The following ERBIN variants were observed in gnomAD, a reference collection of about 807,000 sequenced individuals.
ERBIN encodes the protein erbb2 interacting protein.
ERBIN carries 60 observed loss-of-function variants against 158.4 expected under a neutral mutation model. That is an observed-to-expected ratio of 0.38 (90% CI 0.31 to 0.47). ERBIN has a LOEUF of 0.47. Ranked by LOEUF, ERBIN falls within the 20% of genes least tolerant of loss-of-function variation. ERBIN has a pLI of 0.99. For missense variants in ERBIN, 1,610 were observed against 1,648.0 expected, an observed-to-expected ratio of 0.98 and a Z score of 0.40; for synonymous variants, 594 against 557.2, an observed-to-expected ratio of 1.07 and a Z score of -0.93.
chr5:65,957,894 C>A (rs1747403524), intron 1 of ERBIN, among the ~76,000 whole-genome samples: 1 of 151,878 alleles, frequency 6.6e-6, no homozygotes, highest in Non-Finnish European at 1.5e-5. Context: ...CTCCTCACTT[C>A]TCAGCCGGGG....
chr5:66,068,468 C>T (rs1265437030), intron 21 of ERBIN, among the ~76,000 whole-genome samples: 2 of 151,992 alleles, frequency 1.3e-5, no homozygotes, highest in East Asian at 3.8e-4. Context: ...CTTAGAATTA[C>T]TGGGTGTTGG....
intron 1 of ERBIN, among the ~76,000 whole-genome samples, chr5:65,931,819 CTTT>C (rs36048820): frequency 1.5e-5 from 2 of 131,906 alleles, no homozygotes. Context: ...TCTTTTCTTT[CTTT>C]TTTTTTTTTT....
intron 1 of ERBIN, among the ~76,000 whole-genome samples, chr5:65,938,521 TCCCACTCCGTTG>T (rs1744367090): frequency 6.6e-6 from 1 of 151,898 alleles, no homozygotes; most frequent in Non-Finnish European, 1.5e-5. Context: ...AGAGATGTGG[TCCCACTCCGTTG>T]CCCAGGCTAG....
intron 7 of ERBIN, among the ~76,000 whole-genome samples, chr5:66,015,111 G>C (rs1347873556): frequency 6.6e-6 from 1 of 152,154 alleles, no homozygotes; most frequent in Non-Finnish European, 1.5e-5. Flanking sequence ...GGTAACGGTA[G>C]AACTTGATTG....
At chr5:65,933,585 A>G (rs928514095) in intron 1 of ERBIN, among the ~76,000 whole-genome samples, 2 of 152,146 alleles carry the variant, frequency 1.3e-5, no homozygotes, top group African/African-American at 4.8e-5. Flanking sequence ...CGCTCAGGAT[A>G]TGCTTCTCTT....
intron 25 of ERBIN, among the ~76,000 whole-genome samples, chr5:66,077,797 C>T (rs984250038): frequency 1.5e-4 from 21 of 135,870 alleles, no homozygotes; most frequent in African/African-American, 3.0e-4. Flanking sequence ...CACACACATA[C>T]ACACACACAC....
At chr5:65,952,248 A>G (rs569286214) in intron 1 of ERBIN, among the ~76,000 whole-genome samples, 99 of 152,270 alleles carry the variant, frequency 6.5e-4, no homozygotes, top group Non-Finnish European at 1.1e-3. Context: ...TTGAAGCAGT[A>G]TATTCTATTA....
intron 4 of ERBIN, among the ~76,000 whole-genome samples, chr5:66,004,444 G>C (rs1400621232): frequency 6.6e-6 from 1 of 152,170 alleles, no homozygotes; most frequent in Non-Finnish European, 1.5e-5. Context: ...CGTCACCCAG[G>C]CTGCAGTACA....
intron 7 of ERBIN, among the ~76,000 whole-genome samples, chr5:66,019,876 G>A (rs1477815612): frequency 6.6e-6 from 1 of 152,008 alleles, no homozygotes; most frequent in East Asian, 1.9e-4. Context: ...GTAAGATTAT[G>A]TTTTGTTCTT....
At chr5:65,976,675 GT>G (rs1462884285) in intron 1 of ERBIN, among the ~76,000 whole-genome samples, 1 of 151,520 alleles carries the variant, frequency 6.6e-6, no homozygotes, top group Non-Finnish European at 1.5e-5. Flanking sequence ...CTTCCGCAGT[GT>G]TTGTGTCCCT....
chr5:66,070,613 T>C (rs182742283), intron 21 of ERBIN, among the ~76,000 whole-genome samples: 1 of 152,344 alleles, frequency 6.6e-6, no homozygotes, highest in African/African-American at 2.4e-5. Context: ...AACATAGTTA[T>C]ACATTCACAC....
intron 1 of ERBIN, among the ~76,000 whole-genome samples, chr5:65,934,129 G>GCC: frequency 6.6e-6 from 1 of 152,096 alleles, no homozygotes; most frequent in Non-Finnish European, 1.5e-5. Flanking sequence ...ATCTCCTGAT[G>GCC]TCATGATTTG....
In ERBIN at chr5:66,082,533, A is replaced by AT. The variant is rs1446092400; in HGVS notation, c.*4008dup. ...CCCCTCAAGGGATTCAATAAAGCTT[A>AT]TTTTTCATGAAAACAAGCCTATAAA... On this transcript the variant is annotated 3_prime_UTR_variant, in exon 26 of 26. Coordinates refer to ENST00000284037, the MANE Select transcript of ERBIN (RefSeq NM_001253697.2). 1 of 152,172 alleles carries AT rather than the reference A, an allele frequency of 6.6e-6. No individual in the cohort carries two copies. Among genetic ancestry groups the AT allele is most frequent in the Non-Finnish European group, 1.5e-5 (1 of 68,012 alleles). 9.4% of individuals were successfully genotyped at this position (152,172 alleles called of 1,614,324 possible).
At chr5:66,032,198 T>C (rs1756959914) in intron 14 of ERBIN, among the ~76,000 whole-genome samples, 1 of 152,104 alleles carries the variant, frequency 6.6e-6, no homozygotes, top group Admixed American at 6.5e-5. Context: ...GATCAGTTGG[T>C]GGAGGATCTT....
At chr5:66,039,025 CGTGTGT>C (rs149165726) in intron 15 of ERBIN, among the ~76,000 whole-genome samples, 11 of 148,708 alleles carry the variant, frequency 7.4e-5, no homozygotes, top group African/African-American at 2.5e-4. Context: ...GTACTCTCTG[CGTGTGT>C]GTGTGTGTGT....
chr5:66,074,045 A>ATTTT lies in ERBIN; in HGVS notation c.3757-955_3757-952dup, dbSNP rs397884229. Among the ~76,000 whole-genome samples the ATTTT allele has an allele frequency of 9.9e-4, 91 of 91,934 alleles. 1 individual carries two copies. Among genetic ancestry groups the ATTTT allele is most frequent in the Non-Finnish European group, 1.6e-3 (78 of 48,290 alleles). The allele number at this position is 91,934 out of a possible 152,430, so 60.3% of individuals were successfully genotyped here. A position where few individuals can be genotyped will look rare whatever the true frequency, so the allele number is the denominator to read the frequency against. ...AGGTGTGCACCACCATGCCCAGCTA[A>ATTTT]TTTTTTTTTTTTTTTTTTTTTTTTT... On this transcript the variant is annotated intron_variant, in intron 22 of 25. Coordinates refer to ENST00000284037, the MANE Select transcript of ERBIN (RefSeq NM_001253697.2).
At chr5:66,013,756 C>A in intron 6 of ERBIN, 118 bp downstream of exon 6, 1 of 607,388 alleles carries the variant, frequency 1.6e-6, no homozygotes, top group South Asian at 2.3e-5. Flanking sequence ...TAAATTATTC[C>A]CAAGCATTGT....
chr5:66,059,846 A>T (rs1408692412), intron 21 of ERBIN, among the ~76,000 whole-genome samples: 1 of 152,018 alleles, frequency 6.6e-6, no homozygotes, highest in East Asian at 1.9e-4. Flanking sequence ...ACGTTTATTG[A>T]TTTTCATATG....
At chr5:66,042,900 A>G (rs1308879426) in intron 15 of ERBIN, among the ~76,000 whole-genome samples, 177 bp from the exon 16 acceptor site, 1 of 152,192 alleles carries the variant, frequency 6.6e-6, no homozygotes. Flanking sequence ...GAAATCTTAC[A>G]TGGACATTAT....
Sources: allele counts gnomAD v4.1 joint callset (sites outside exome capture counted in the v4.1 genomes callset), GRCh38; gene constraint gnomAD v4.1.1; transcripts MANE v1.5; gene names NCBI Gene and HGNC (gene_info 2026-07-23, HGNC 2026-07-21).